Variants in CLIP2 observed in about 807,000 individuals in gnomAD.
CLIP2 encodes CAP-Gly domain containing linker protein 2.
In CLIP2, 41 loss-of-function variants were observed where a neutral mutation model predicts 111.7. That is an observed-to-expected ratio of 0.37 (90% CI 0.29 to 0.48). The LOEUF is 0.48. Ranked by LOEUF, CLIP2 falls within the 20% of genes least tolerant of loss-of-function variation. The pLI is 0.99. For synonymous variants in CLIP2, 660 were observed against 644.2 expected (o/e 1.02, Z -0.37); for missense variants, 1,160 against 1,422.1 (o/e 0.82, Z 2.96).
At chr7:74,360,299 G>T in intron 7 of CLIP2, 21 bp downstream of exon 7, 1 of 1,548,964 alleles carries the variant, frequency 6.5e-7, no homozygotes, top group Non-Finnish European at 8.8e-7. Flanking sequence ...GCCCACCCTC[G>T]CCCTGGCCCT....
intron 8 of CLIP2, 113 bp downstream of exon 8, chr7:74,364,428 T>TG (rs1175418252): frequency 6.7e-5 from 60 of 892,378 alleles, no homozygotes; most frequent in South Asian, 4.9e-4. Flanking sequence ...GGGAAGGGGC[T>TG]GGGGGGGAAA....
intron 4 of CLIP2, 38 bp from the exon 5 acceptor site, chr7:74,356,372 G>A (rs1179898931): frequency 1.1e-5 from 17 of 1,576,884 alleles, no homozygotes; most frequent in African/African-American, 2.7e-5. Flanking sequence ...CAGGCTTTGG[G>A]GCCGTGACAG....
intron 13 of CLIP2, among the ~76,000 whole-genome samples, chr7:74,391,915 G>T (rs1189598835): frequency 6.6e-6 from 1 of 151,800 alleles, no homozygotes; most frequent in Non-Finnish European, 1.5e-5. Context: ...CTTAAAAAAT[G>T]GGAAGATCTG....
rs782600146 is a variant in CLIP2 at position 74,397,108 on chromosome 7, G to T, written c.2755G>T (p.Ala919Ser). The T allele has an allele frequency of 6.2e-7, 1 of 1,613,718 alleles. No homozygotes were observed. The highest frequency in any genetic ancestry group is 8.5e-7 in the Non-Finnish European group (1 of 1,179,952). Residue 919 changes from alanine (A) to serine (S), a missense_variant, in exon 14 of 17, where the codon GCC becomes TCC. Around this residue, in one of 5 missense-constraint regions of CLIP2, gnomAD observed 676 missense variants for 777.8 expected, o/e 0.87. Transcript: ENST00000223398. ...LNELRVLLLE[A>S]NRHSPGPERD... Reference sequence around the variant, plus strand: ...CGAACTGCGGGTGTTGCTGCTGGAGGCCAATCGTCACTCCCCAGGGCCGGA... The same window carrying T: ...CGAACTGCGGGTGTTGCTGCTGGAGTCCAATCGTCACTCCCCAGGGCCGGA...
chr7:74,350,070 TTGAAA>T (rs1166036700), intron 3 of CLIP2, among the ~76,000 whole-genome samples: 1 of 151,982 alleles, frequency 6.6e-6, no homozygotes, highest in African/African-American at 2.4e-5. Context: ...TTATTATTTT[TTGAAA>T]TGGAGTCTCA....
intron 1 of CLIP2, among the ~76,000 whole-genome samples, chr7:74,294,963 T>G (rs1366860986): frequency 6.6e-6 from 1 of 151,952 alleles, no homozygotes; most frequent in Non-Finnish European, 1.5e-5. Context: ...GGCTAGGTTT[T>G]GTTTTGTTTT....
At chr7:74,324,053 G>T (rs1266779955) in intron 2 of CLIP2, among the ~76,000 whole-genome samples, 2 of 152,100 alleles carry the variant, frequency 1.3e-5, no homozygotes, top group Non-Finnish European at 2.9e-5. Context: ...AGGCTGGAGT[G>T]CAGTGGCACG....
chr7:74,345,211 G>C (rs1789769831), intron 3 of CLIP2, among the ~76,000 whole-genome samples: 1 of 151,966 alleles, frequency 6.6e-6, no homozygotes, highest in South Asian at 2.1e-4. Context: ...GCATACTTGG[G>C]GTGTCAAGAG....
intron 3 of CLIP2, among the ~76,000 whole-genome samples, chr7:74,343,097 A>G (rs1268695170): frequency 2.0e-5 from 3 of 151,124 alleles, no homozygotes; most frequent in Non-Finnish European, 4.4e-5. Context: ...TTGAGGCAGG[A>G]GAATTGCTTG....
intron 3 of CLIP2, among the ~76,000 whole-genome samples, chr7:74,347,319 A>G (rs1041054079): frequency 9.9e-5 from 15 of 152,110 alleles, no homozygotes; most frequent in Non-Finnish European, 1.9e-4. Context: ...CCTAGGCTGG[A>G]GTGCAGTGGT....
chr7:74,306,474 C>T (rs1264350948), intron 1 of CLIP2, among the ~76,000 whole-genome samples: 2 of 152,178 alleles, frequency 1.3e-5, no homozygotes, highest in Non-Finnish European at 2.9e-5. Flanking sequence ...GCTCCTGCCT[C>T]CCTCGCCCCA....
At chr7:74,345,037 T>C (rs182331629) in intron 3 of CLIP2, among the ~76,000 whole-genome samples, 2 of 152,226 alleles carry the variant, frequency 1.3e-5, no homozygotes, top group East Asian at 3.9e-4. Context: ...TACTCTGAAC[T>C]TCAGTCTCTT....
At chr7:74,386,111 T>C (rs1181590103) in intron 11 of CLIP2, among the ~76,000 whole-genome samples, 1 of 148,450 alleles carries the variant, frequency 6.7e-6, no homozygotes, top group East Asian at 2.0e-4. Flanking sequence ...GCAATGGCGC[T>C]ATCTTGGCTT....
chr7:74,403,016 G>A (rs934467501), intron 16 of CLIP2, among the ~76,000 whole-genome samples: 3 of 151,152 alleles, frequency 2.0e-5, no homozygotes. Context: ...TTTGAGACCA[G>A]CCTGGCCAAC....
In CLIP2 at chr7:74,376,387, G is replaced by A. The variant is rs1554312858; in HGVS notation, c.1986G>A (p.Leu662=). The A allele has an allele frequency of 1.2e-6, 2 of 1,614,102 alleles. No individual in the cohort carries two copies. Among genetic ancestry groups the A allele is most frequent in the Non-Finnish European group, 1.7e-6 (2 of 1,180,046 alleles). ...VMEGIKMEHQ[L]ELGNLQAKHD... Reference sequence around the variant, plus strand: ...AGGGCATCAAGATGGAGCACCAGCTGGAGCTGGGTAACTTGCAGGCCAAGC... The same window carrying A: ...AGGGCATCAAGATGGAGCACCAGCTAGAGCTGGGTAACTTGCAGGCCAAGC... The change falls in exon 10 of 17, where the codon CTG becomes CTA. Residue 662 remains leucine (L), a synonymous_variant. Coordinates refer to ENST00000223398, the MANE Select transcript of CLIP2 (RefSeq NM_003388.5). The surrounding 1 kb of genome is among the most constrained non-coding windows in gnomAD (Gnocchi z 7.1).
chr7:74,370,252 C>T (rs535841805), intron 8 of CLIP2, among the ~76,000 whole-genome samples: 6 of 151,106 alleles, frequency 4.0e-5, no homozygotes, highest in Middle Eastern at 3.5e-3. Context: ...GTCAGGGGAT[C>T]GAAACCATCC....
chr7:74,333,814 C>T (rs1789369831), intron 2 of CLIP2, among the ~76,000 whole-genome samples: 2 of 152,094 alleles, frequency 1.3e-5, no homozygotes. Flanking sequence ...GTTGCTGGGC[C>T]CAGCTGGAAG....
intron 6 of CLIP2, 100 bp downstream of exon 6, chr7:74,357,577 A>G (rs926256740): frequency 7.2e-5 from 76 of 1,057,410 alleles, no homozygotes; most frequent in Non-Finnish European, 1.0e-4. Context: ...GTGCAGAGAA[A>G]TATGAAGATA....
chr7:74,390,225 G>GAAAGAAA (rs1562727027), intron 13 of CLIP2, among the ~76,000 whole-genome samples: 1 of 54,414 alleles, frequency 1.8e-5, no homozygotes, highest in African/African-American at 5.4e-5. Flanking sequence ...AAGAAAGAAA[G>GAAAGAAA]GATTAATGCC....
Sources: gnomAD v4.1 joint callset for allele counts (sites outside exome capture counted in the v4.1 genomes callset) on GRCh38, gnomAD v4.1.1 for gene constraint, gnomAD v4.1.1 regional missense constraint, Gnocchi (gnomAD v3.1) non-coding constraint, MANE v1.5 for transcripts, NCBI Gene and HGNC (gene_info 2026-07-23, HGNC 2026-07-21) for gene names.